The following SCAMP1 variants were observed in gnomAD, a reference collection of about 807,000 sequenced individuals.
SCAMP1 encodes secretory carrier membrane protein 1, also known as secretory carrier-associated membrane protein 1.
A neutral mutation model predicts 41.8 loss-of-function variants in SCAMP1; 15 were observed. The observed-to-expected ratio is 0.36, with a 90% CI of 0.24 to 0.55. The LOEUF is 0.55. Ranked by LOEUF, SCAMP1 falls within the 20% of genes least tolerant of loss-of-function variation. SCAMP1 has a pLI of 0.86. For missense variants in SCAMP1, 341 were observed against 412.6 expected (o/e 0.83, Z 1.50); for synonymous variants, 135 against 136.8 (o/e 0.99, Z 0.09).
intron 2 of SCAMP1, among the ~76,000 whole-genome samples, chr5:78,406,028 C>T (rs182451167): frequency 1.6e-4 from 25 of 152,272 alleles, no homozygotes; most frequent in Admixed American, 9.2e-4. Flanking sequence ...GCTGAATCAA[C>T]GGCTGTTAAA....
rs143136763 is a variant in SCAMP1, at chr5:78,419,292, C to T, written c.472+389C>T. Among the ~76,000 whole-genome samples, 75 of 152,186 alleles carry T rather than the reference C, an allele frequency of 4.9e-4. 1 individual carries two copies. The highest frequency in any genetic ancestry group is 1.6e-3 in the African/African-American group (65 of 41,532). On this transcript the variant is annotated intron_variant, in intron 5 of 8. Transcript: ENST00000621999. ...TTAAAAGAATTCTGTTAAATGTAGG[C>T]GTTTTAGCTATTTTTAAAAGGGCAT...
chr5:78,479,446 A>G lies in SCAMP1; in HGVS notation c.*3778A>G, dbSNP rs1754081740. The stretch of plus-strand genomic sequence containing the variant: ...CTAAAAAGTTTTATCTCACATATTA[A>G]GTATTACAGAAAGTGAAGTATTTTG... On this transcript the variant is annotated 3_prime_UTR_variant, in exon 9 of 9. Transcript: ENST00000621999. Among the ~76,000 whole-genome samples, 1 of 152,214 alleles carries G rather than the reference A, an allele frequency of 6.6e-6. No individual in the cohort carries two copies. The highest frequency in any genetic ancestry group is 1.5e-5 in the Non-Finnish European group (1 of 68,032).
intron 7 of SCAMP1, among the ~76,000 whole-genome samples, chr5:78,454,182 C>A (rs966886733): frequency 1.3e-5 from 2 of 151,614 alleles, no homozygotes; most frequent in Non-Finnish European, 3.0e-5. Flanking sequence ...ATTTCCTTCT[C>A]CTGCCTAATT....
chr5:78,387,837 C>T (rs1751382754), intron 1 of SCAMP1, among the ~76,000 whole-genome samples: 1 of 152,214 alleles, frequency 6.6e-6, no homozygotes, highest in East Asian at 1.9e-4. Flanking sequence ...GCCATGGATA[C>T]CAACACCTGT....
intron 2 of SCAMP1, among the ~76,000 whole-genome samples, chr5:78,393,996 G>A (rs1014076966): frequency 6.6e-6 from 1 of 152,094 alleles, no homozygotes; most frequent in Non-Finnish European, 1.5e-5. Context: ...ATTTCTTGGG[G>A]CCTAGTTTAC....
intron 6 of SCAMP1, among the ~76,000 whole-genome samples, chr5:78,445,326 G>A (rs1753027234): frequency 6.6e-6 from 1 of 152,218 alleles, no homozygotes; most frequent in South Asian, 2.1e-4. Flanking sequence ...TGATCTGAAA[G>A]AGCCAGGATG....
At chr5:78,441,738 G>A (rs1189638754) in intron 6 of SCAMP1, among the ~76,000 whole-genome samples, 1 of 152,202 alleles carries the variant, frequency 6.6e-6, no homozygotes, top group African/African-American at 2.4e-5. Flanking sequence ...TGAGGCAAGA[G>A]AATTGCCTGA....
intron 8 of SCAMP1, among the ~76,000 whole-genome samples, chr5:78,469,913 C>CAAAAAAAAAA (rs1561290939): frequency 1.3e-3 from 31 of 23,150 alleles, no homozygotes; most frequent in Admixed American, 1.7e-3. Context: ...AAAAAAAAAA[C>CAAAAAAAAAA]AAAAAAAAAA....
Position 78,424,357 on chromosome 5 carries a change from G to A in SCAMP1, c.632+2397G>A, listed in dbSNP as rs114093876. ...TTATATAGTGAAGTTTCAAATGTAT[G>A]TGTTTTTAAAAGTTAAGTTTATTAG... On this transcript the variant is annotated intron_variant, in intron 6 of 8. Coordinates refer to ENST00000621999, the MANE Select transcript of SCAMP1 (RefSeq NM_004866.6). 2.4e-3 allele frequency among the ~76,000 whole-genome samples: 368 copies of A among 152,286 alleles called. 4 individuals carry two copies. The highest frequency in any genetic ancestry group is 8.5e-3 in the African/African-American group (354 of 41,560).
chr5:78,447,180 T>A (rs1753071514), intron 6 of SCAMP1, among the ~76,000 whole-genome samples: 1 of 152,228 alleles, frequency 6.6e-6, no homozygotes, highest in Middle Eastern at 3.2e-3. Context: ...GTAGAAAAAT[T>A]GTCTTCCACG....
chr5:78,454,755 A>G (rs1364237396), intron 7 of SCAMP1, among the ~76,000 whole-genome samples: 1 of 152,204 alleles, frequency 6.6e-6, no homozygotes, highest in Non-Finnish European at 1.5e-5. Context: ...TTCAGAAGGA[A>G]TGGTACCAGT....
At chr5:78,375,989 T>G (rs1229782263) in intron 1 of SCAMP1, among the ~76,000 whole-genome samples, 1 of 152,182 alleles carries the variant, frequency 6.6e-6, no homozygotes, top group Non-Finnish European at 1.5e-5. Flanking sequence ...AGAATCTTAT[T>G]TCAACACCTA....
chr5:78,398,388 AG>A (rs570035836), intron 2 of SCAMP1, among the ~76,000 whole-genome samples: 104 of 91,610 alleles, frequency 1.1e-3, no homozygotes, highest in African/African-American at 4.8e-3. Flanking sequence ...TTTTTGAGAC[AG>A]GGTCTCACTT....
intron 1 of SCAMP1, among the ~76,000 whole-genome samples, chr5:78,385,592 C>G (rs1344612713): frequency 6.6e-6 from 1 of 152,114 alleles, no homozygotes; most frequent in East Asian, 1.9e-4. Flanking sequence ...ATACTATGAA[C>G]TTTCCTTTTA....
At chr5:78,437,009 A>G (rs556166187) in intron 6 of SCAMP1, among the ~76,000 whole-genome samples, 9 of 152,156 alleles carry the variant, frequency 5.9e-5, no homozygotes, top group South Asian at 2.1e-4. Context: ...GTTCACTCAC[A>G]ATTTGGCTCT....
At chr5:78,466,801 G>A (rs909364549) in intron 8 of SCAMP1, among the ~76,000 whole-genome samples, 29 of 152,136 alleles carry the variant, frequency 1.9e-4, no homozygotes, top group East Asian at 7.7e-4. Context: ...TTGCGGGGCC[G>A]AGCAGTCGTA....
chr5:78,401,349 G>T lies in SCAMP1; in HGVS notation c.135+12435G>T, dbSNP rs1456664672. Among the ~76,000 whole-genome samples the T allele has an allele frequency of 2.0e-5, 3 of 152,080 alleles. No homozygotes were observed. In the East Asian group the frequency reaches 5.8e-4, roughly 29 times the overall value. On this transcript the variant is annotated intron_variant, in intron 2 of 8. Coordinates refer to ENST00000621999, the MANE Select transcript of SCAMP1 (RefSeq NM_004866.6). ...GAGGGTATTTCTAGCCTCATAGGATGAGTTAGGAAGTCTTTCTTTTGCTTC... is the reference window on the plus strand; with the variant it reads ...GAGGGTATTTCTAGCCTCATAGGATTAGTTAGGAAGTCTTTCTTTTGCTTC...
intron 7 of SCAMP1, among the ~76,000 whole-genome samples, chr5:78,454,298 A>G (rs1023690529): frequency 1.3e-5 from 2 of 152,220 alleles, no homozygotes; most frequent in Admixed American, 6.5e-5. Context: ...TTACCCATTC[A>G]GTATGATATT....
rs542962642 is a variant in SCAMP1, at chr5:78,464,134, C to T, written c.852+4772C>T. ...CTGGGACTACAGGCATGCGCCACCA[C>T]ACTCAGCTATTTTTTTTTTTCTTTT... On this transcript the variant is annotated intron_variant, in intron 8 of 8. Transcript: ENST00000621999. Among the ~76,000 whole-genome samples, 3 of 126,358 alleles carry T rather than the reference C, an allele frequency of 2.4e-5. No individual in the cohort carries two copies. In the East Asian group the frequency reaches 7.3e-4, roughly 31 times the overall value. 82.9% of individuals were successfully genotyped at this position (126,358 alleles called of 152,430 possible).
Sources: allele counts gnomAD v4.1 joint callset (sites outside exome capture counted in the v4.1 genomes callset), GRCh38; gene constraint gnomAD v4.1.1; transcripts MANE v1.5; gene names NCBI Gene and HGNC (gene_info 2026-07-23, HGNC 2026-07-21).